LYZL2: variants seen among roughly 807,000 people sequenced by gnomAD.
The protein encoded by LYZL2 is lysozyme like 2, also known as lysozyme-like protein 2.
In LYZL2, 13 loss-of-function variants were observed where a neutral mutation model predicts 17.1. The ratio of observed to expected loss-of-function variants is 0.76; its 90% CI spans 0.49 to 1.21. The LOEUF is 1.21. LYZL2 is among the 50% of genes most tolerant of loss of function. The pLI is 0.00. For synonymous variants in LYZL2, 63 were observed against 74.4 expected, an observed-to-expected ratio of 0.85 and a Z score of 0.79; for missense variants, 166 against 189.2, an observed-to-expected ratio of 0.88 and a Z score of 0.72.
intron 3 of LYZL2, among the ~76,000 whole-genome samples, chr10:30,618,013 C>T (rs1412491887): frequency 6.6e-6 from 1 of 151,788 alleles, no homozygotes; most frequent in Non-Finnish European, 1.5e-5. Context: ...AAATCACAAG[C>T]ATTCTTATAC....
chr10:30,610,730 A>G (rs948960952), downstream of LYZL2, among the ~76,000 whole-genome samples: 1 of 151,936 alleles, frequency 6.6e-6, no homozygotes, highest in African/African-American at 2.4e-5. Context: ...ACTGTGCCTC[A>G]CTGGAAGTCT....
downstream of LYZL2, among the ~76,000 whole-genome samples, chr10:30,608,959 C>A (rs1266041608): frequency 6.6e-6 from 1 of 152,180 alleles, no homozygotes; most frequent in Admixed American, 6.5e-5. Context: ...CCCACCTCAA[C>A]CTCCTGAGTA....
At chr10:30,609,531 A>G (rs1187117529), downstream of LYZL2, among the ~76,000 whole-genome samples, 1 of 152,238 alleles carries the variant, frequency 6.6e-6, no homozygotes, top group Non-Finnish European at 1.5e-5. Flanking sequence ...GTTGGGATAC[A>G]AAGAGCCAGA....
intron 3 of LYZL2, among the ~76,000 whole-genome samples, chr10:30,623,352 A>T (rs1838654726): frequency 6.6e-6 from 1 of 152,216 alleles, no homozygotes; most frequent in Admixed American, 6.5e-5. Context: ...TGTGCTGTAA[A>T]ACAAGGTTAA....
At chr10:30,606,650 C>G in the LYZL2 span, among the ~76,000 whole-genome samples, 1 of 152,304 alleles carries the variant, frequency 6.6e-6, no homozygotes, top group Admixed American at 6.5e-5. Flanking sequence ...CACAGAACTT[C>G]AGTGTCTTGT....
intron 2 of LYZL2, 37 bp from the exon 3 acceptor site, chr10:30,626,300 G>A: frequency 1.9e-6 from 3 of 1,609,292 alleles, no homozygotes; most frequent in Non-Finnish European, 2.5e-6. Context: ...AGCAAAGGAG[G>A]TGCCATCTTT....
intron 1 of LYZL2, 69 bp downstream of exon 1, chr10:30,629,524 A>C: frequency 1.9e-6 from 3 of 1,541,768 alleles, no homozygotes; most frequent in Non-Finnish European, 2.7e-6. Context: ...CATGTTCTAC[A>C]TCCTTCAAGA....
chr10:30,627,056 G>A lies in LYZL2; in HGVS notation c.-25-116C>T, dbSNP rs1838724684. The A allele has an allele frequency of 1.0e-5, 15 of 1,455,502 alleles. No individual in the cohort carries two copies. In the East Asian group the frequency reaches 3.3e-4, roughly 32 times the overall value. The allele number at this position is 1,455,502 out of a possible 1,614,324, so 90.2% of individuals were successfully genotyped here. ...CTGCCTGTCACTTTGGTCATTCAGT[G>A]CCACCATCAGGGAAAACCGGCCACT... On this transcript the variant is annotated intron_variant, in intron 1 of 4. Coordinates refer to ENST00000647634, the MANE Select transcript of LYZL2 (RefSeq NM_183058.3).
At chr10:30,612,067 C>A in intron 4 of LYZL2, 43 bp from the exon 5 acceptor site, 1 of 1,602,758 alleles carries the variant, frequency 6.2e-7, no homozygotes, top group Non-Finnish European at 8.5e-7. Flanking sequence ...AGAAGCGTGA[C>A]AATCCAAACC....
intron 1 of LYZL2, among the ~76,000 whole-genome samples, chr10:30,628,557 C>T (rs1296146894): frequency 6.6e-6 from 1 of 152,218 alleles, no homozygotes; most frequent in African/African-American, 2.4e-5. Context: ...AACACAACAG[C>T]CTTGCTGGGA....
intron 1 of LYZL2, among the ~76,000 whole-genome samples, chr10:30,628,930 G>A (rs1838761973): frequency 6.6e-6 from 1 of 152,210 alleles, no homozygotes. Context: ...GTAATATATT[G>A]TTGGTGGCTG....
intron 3 of LYZL2, among the ~76,000 whole-genome samples, chr10:30,621,454 C>T (rs1030145975): frequency 3.3e-5 from 5 of 151,646 alleles, no homozygotes; most frequent in African/African-American, 9.7e-5. Flanking sequence ...CATGGTGGCA[C>T]GTGCCTGTAG....
At position 30,626,798 on chromosome 10, in the gene LYZL2, A is replaced by T. The variant is rs550996869; in HGVS notation, c.118T>A (p.Trp40Arg). ...IFSRAGLDNY[W>R]GFSLGNWICM... Reference sequence around the variant, plus strand: ...TCACAGTTTCCAAGGCTGAAGCCCCAGTAATTGTCCAGGCCAGCCCTCGAG... The same window carrying T: ...TCACAGTTTCCAAGGCTGAAGCCCCTGTAATTGTCCAGGCCAGCCCTCGAG... Residue 40 changes from tryptophan (W) to arginine (R), a missense_variant, in exon 2 of 5, where the codon TGG becomes AGG. By Grantham distance (101) the Trp-to-Arg change is moderately radical. Around this residue, in one of 2 missense-constraint regions of LYZL2, gnomAD observed 32 missense variants for 59.8 expected, o/e 0.53. Transcript: ENST00000647634. The T allele has an allele frequency of 2.5e-6, 4 of 1,614,266 alleles. No homozygotes were observed. The East Asian group carries it at 8.9e-5, about 36-fold the overall frequency.
intron 1 of LYZL2, among the ~76,000 whole-genome samples, chr10:30,627,646 G>A (rs3122339): frequency 0.026 from 3,891 of 152,234 alleles, 73 homozygotes; most frequent in Non-Finnish European, 0.039. Context: ...CAAAATATGT[G>A]TTTATTGGCT....
chr10:30,607,006 A>C (rs1216039458), downstream of LYZL2, among the ~76,000 whole-genome samples: 1 of 149,748 alleles, frequency 6.7e-6, no homozygotes, highest in Non-Finnish European at 1.5e-5. Context: ...CACCTCCTGG[A>C]TTCAAGCAAT....
At chr10:30,610,785 C>T (rs1178991440), downstream of LYZL2, among the ~76,000 whole-genome samples, 1 of 151,948 alleles carries the variant, frequency 6.6e-6, no homozygotes, top group Non-Finnish European at 1.5e-5. Context: ...TGGTTTTCTT[C>T]AATAGCAAGA....
At chr10:30,609,855 A>AC (rs931522694), downstream of LYZL2, among the ~76,000 whole-genome samples, 1 of 152,192 alleles carries the variant, frequency 6.6e-6, no homozygotes, top group African/African-American at 2.4e-5. Flanking sequence ...TGCATTTTTT[A>AC]CCCTAAATTA....
chr10:30,621,080 A>G (rs978851188), intron 3 of LYZL2, among the ~76,000 whole-genome samples: 1 of 152,248 alleles, frequency 6.6e-6, no homozygotes, highest in Admixed American at 6.5e-5. Flanking sequence ...TGAAAATTAT[A>G]AACTCAGGGA....
At chr10:30,618,446 C>T (rs1391540254) in intron 3 of LYZL2, among the ~76,000 whole-genome samples, 4 of 152,146 alleles carry the variant, frequency 2.6e-5, no homozygotes, top group African/African-American at 9.7e-5. Flanking sequence ...CTACAGTAAC[C>T]AAAACAGCAT....
Sources: allele counts gnomAD v4.1 joint callset (sites outside exome capture counted in the v4.1 genomes callset), GRCh38; gene constraint gnomAD v4.1.1; regional missense constraint gnomAD v4.1.1; transcripts MANE v1.5; gene names NCBI Gene and HGNC (gene_info 2026-07-23, HGNC 2026-07-21).